The following ATP6V1B1 variants were observed in gnomAD, a reference collection of about 807,000 sequenced individuals.
The protein encoded by ATP6V1B1 is ATPase H+ transporting V1 subunit B1.
Under a neutral mutation model 62.1 loss-of-function variants are expected in ATP6V1B1, and 41 were observed. The observed-to-expected ratio is 0.66, with a 90% CI of 0.51 to 0.86. The LOEUF (loss-of-function observed/expected upper bound fraction) is 0.86. Among genes scored for constraint, ATP6V1B1 ranks in the 40% least tolerant of loss-of-function variants. ATP6V1B1 has a pLI of 0.00. For missense variants in ATP6V1B1, 651 were observed against 697.5 expected, an observed-to-expected ratio of 0.93 and a Z score of 0.75; for synonymous variants, 253 against 273.4, an observed-to-expected ratio of 0.93 and a Z score of 0.74.
At chr2:70,946,849 G>C (rs572042752) in intron 2 of ATP6V1B1, among the ~76,000 whole-genome samples, 1 of 152,122 alleles carries the variant, frequency 6.6e-6, no homozygotes, top group African/African-American at 2.4e-5. Context: ...AAATGAGGCC[G>C]ATCTAGGAAA....
At chr2:70,945,382 T>C (rs1271972410) in intron 2 of ATP6V1B1, among the ~76,000 whole-genome samples, 1 of 152,056 alleles carries the variant, frequency 6.6e-6, no homozygotes, top group Non-Finnish European at 1.5e-5. Context: ...AATGTAAAAA[T>C]GTAACTTTCC....
chr2:70,939,959 G>C (rs1679951343), intron 1 of ATP6V1B1: 1 of 152,310 alleles, frequency 6.6e-6, no homozygotes, highest in South Asian at 2.1e-4. Flanking sequence ...ACTCACAGCT[G>C]AGGCTGATGT....
At chr2:70,940,409 C>A in intron 1 of ATP6V1B1, 1 of 985,348 alleles carries the variant, frequency 1.0e-6, no homozygotes, top group South Asian at 4.7e-5. Flanking sequence ...CCAGCGCAGC[C>A]CTTTGGCAGG....
chr2:70,938,598 A>C, intron 1 of ATP6V1B1: 1 of 985,286 alleles, frequency 1.0e-6, no homozygotes, highest in African/African-American at 1.7e-5. Context: ...CTGAGAGAGG[A>C]TTGGCTAGAA....
rs1558680119 is a variant in ATP6V1B1 at position 70,963,513 on chromosome 2, C to T, written c.1061-59C>T. ...ATGAGGGAAACAGACCCCAGGTGGC[C>T]CTGAGTGGTTGGAGACCTGGGCCCC... On this transcript the variant is annotated intron_variant, in intron 10 of 13. Transcript: ENST00000234396. The surrounding 1 kb of genome is among the most constrained non-coding windows in gnomAD (Gnocchi z 4.3). 2.5e-6 allele frequency: 4 copies of T among 1,576,060 alleles called. No individual in the cohort carries two copies. In the East Asian group the frequency reaches 9.0e-5, roughly 35 times the overall value.
chr2:70,943,664 G>T lies in ATP6V1B1; in HGVS notation c.125G>T (p.Arg42Met). 1 of 1,613,934 alleles carries T rather than the reference G, an allele frequency of 6.2e-7. No homozygotes were observed. The highest frequency in any genetic ancestry group is 8.5e-7 in the Non-Finnish European group (1 of 1,179,968). The change falls in exon 2 of 14, where the codon AGG becomes ATG. Residue 42 changes from arginine (R) to methionine (M), a missense_variant. Transcript: ENST00000234396. The stretch of plus-strand genomic sequence containing the variant: ...ACCCCCGCCCCTCCCCCAGCCTACA[G>T]GACTGTGTGCAGCGTGAACGGGCCC... ...NYITHPRVTY[R>M]TVCSVNGPLV... is the part of the protein sequence containing the mutation.
chr2:70,954,149 C>T (rs2104820275), intron 2 of ATP6V1B1, among the ~76,000 whole-genome samples: 1 of 152,192 alleles, frequency 6.6e-6, no homozygotes, highest in Non-Finnish European at 1.5e-5. Flanking sequence ...ATTTCCTCTA[C>T]TTTCTTTGGG....
chr2:70,962,945 C>T (rs1680626729), intron 9 of ATP6V1B1, 45 bp downstream of exon 9: 1 of 1,612,286 alleles, frequency 6.2e-7, no homozygotes, highest in African/African-American at 1.3e-5. Context: ...CTACCCCTCC[C>T]TAAGCCTGAC....
chr2:70,947,878 G>A (rs1680223420), intron 2 of ATP6V1B1, among the ~76,000 whole-genome samples: 1 of 152,090 alleles, frequency 6.6e-6, no homozygotes, highest in South Asian at 2.1e-4. Flanking sequence ...CTCAGTATGC[G>A]GCTGGGAAAT....
At chr2:70,937,123 AGCC>A (rs1679873350) in intron 1 of ATP6V1B1, among the ~76,000 whole-genome samples, 1 of 147,174 alleles carries the variant, frequency 6.8e-6, no homozygotes, top group Non-Finnish European at 1.5e-5. Context: ...AGCTATGCAG[AGCC>A]AGAGGCTCAC....
chr2:70,942,202 G>C (rs1680021763), intron 1 of ATP6V1B1: 1 of 435,484 alleles, frequency 2.3e-6, no homozygotes, highest in Non-Finnish European at 3.8e-6. Flanking sequence ...TCCTTAGTGG[G>C]AATAGGAAGG....
chr2:70,951,319 A>G (rs1363483684), intron 2 of ATP6V1B1, among the ~76,000 whole-genome samples: 1 of 152,182 alleles, frequency 6.6e-6, no homozygotes, highest in Non-Finnish European at 1.5e-5. Flanking sequence ...ATTCTTTTAT[A>G]TAACTACAGT....
chr2:70,962,996 A>C (rs1572922821), intron 9 of ATP6V1B1, 96 bp downstream of exon 9: 1 of 1,602,942 alleles, frequency 6.2e-7, no homozygotes, highest in Non-Finnish European at 8.5e-7. Context: ...GAGCTGGTCC[A>C]CCCAAGCCTG....
chr2:70,961,753 A>G (rs1359270048), intron 8 of ATP6V1B1, 60 bp downstream of exon 8: 5 of 1,511,036 alleles, frequency 3.3e-6, no homozygotes, highest in African/African-American at 1.4e-5. Context: ...CCCTTCCAAG[A>G]CCTACAGTAC....
chr2:70,942,859 G>A (rs1461307328), intron 1 of ATP6V1B1, among the ~76,000 whole-genome samples: 1 of 152,206 alleles, frequency 6.6e-6, no homozygotes, highest in Non-Finnish European at 1.5e-5. Flanking sequence ...TCAGGACTAT[G>A]GGCAAGGGAC....
At chr2:70,956,615 T>C (rs1680438434) in intron 2 of ATP6V1B1, among the ~76,000 whole-genome samples, 1 of 152,306 alleles carries the variant, frequency 6.6e-6, no homozygotes, top group East Asian at 1.9e-4. Context: ...TTTATTTTAT[T>C]TTTTTGAGAC....
At chr2:70,964,122 T>TTTTTTTTTG (rs1680657502) in intron 11 of ATP6V1B1, 1 of 301,260 alleles carries the variant, frequency 3.3e-6, no homozygotes, top group African/African-American at 2.3e-5. Context: ...GTATTTTTTT[T>TTTTTTTTTG]TTTTTTTTTT....
chr2:70,964,417 T>C (rs1005512487), intron 11 of ATP6V1B1, 21 bp from the exon 12 acceptor site: 11 of 1,612,200 alleles, frequency 6.8e-6, no homozygotes, highest in Non-Finnish European at 9.3e-6. Flanking sequence ...TGTCCACCAC[T>C]CCCTTTTTCT....
intron 8 of ATP6V1B1, among the ~76,000 whole-genome samples, chr2:70,961,989 A>G (rs1553420185): frequency 1.3e-5 from 1 of 75,870 alleles, no homozygotes; most frequent in Non-Finnish European, 3.1e-5. Flanking sequence ...ACATCCACAA[A>G]GTCACCCCAA....
Sources: gnomAD v4.1 joint callset for allele counts (sites outside exome capture counted in the v4.1 genomes callset) on GRCh38, gnomAD v4.1.1 for gene constraint, Gnocchi (gnomAD v3.1) non-coding constraint, MANE v1.5 for transcripts, NCBI Gene and HGNC (gene_info 2026-07-23, HGNC 2026-07-21) for gene names.